Variants in SRRM1 observed in about 807,000 individuals in gnomAD.
The protein encoded by SRRM1 is serine/arginine repetitive matrix protein 1.
SRRM1 carries 19 observed loss-of-function variants against 110.2 expected under a neutral mutation model. The ratio of observed to expected loss-of-function variants is 0.17; its 90% CI spans 0.12 to 0.25. SRRM1 has a LOEUF of 0.25. Among genes scored for constraint, SRRM1 ranks in the 10% least tolerant of loss-of-function variants. The pLI is 1.00. For missense variants in SRRM1, 918 were observed against 1,145.8 expected, an observed-to-expected ratio of 0.80 and a Z score of 2.87; for synonymous variants, 443 against 414.9, an observed-to-expected ratio of 1.07 and a Z score of -0.82.
In SRRM1 at chr1:24,648,946, C is replaced by T. The variant is rs1278304736; in HGVS notation, c.322C>T (p.Leu108=). Residue 108 remains leucine (L), a synonymous_variant, in exon 4 of 17, where the codon CTG becomes TTG. Transcript: ENST00000323848. ...AGAATTTATGGGAGAACTGTGGCCC[C>T]TGCTGCTAAGTGCACAAGAAAACAT... is the stretch of plus-strand genomic sequence containing the variant. The part of the protein sequence containing the change: ...AREFMGELWP[L]LLSAQENIAG... 2 of 1,613,760 alleles carry T rather than the reference C, an allele frequency of 1.2e-6. No homozygotes were observed. Among genetic ancestry groups the T allele is most frequent in the Non-Finnish European group, 1.7e-6 (2 of 1,179,882 alleles).
chr1:24,650,373 T>TA (rs1659934609), intron 5 of SRRM1, among the ~76,000 whole-genome samples: 1 of 152,226 alleles, frequency 6.6e-6, no homozygotes, highest in Admixed American at 6.5e-5. Context: ...TCATAACAGT[T>TA]AATTTGGGTT....
In SRRM1 at chr1:24,652,431, C is replaced by T. The variant is rs761089861; in HGVS notation, c.726-3C>T. The stretch of plus-strand genomic sequence containing the variant: ...AAAAAAAAAAAAGCTTTTGTTTCCA[C>T]AGTGACATTCTGAAAGTTCCCAAAC... On this transcript the variant is annotated splice_polypyrimidine_tract_variant and splice_region_variant and intron_variant, in intron 6 of 16. Transcript: ENST00000323848. The T allele has an allele frequency of 4.1e-6, 6 of 1,460,090 alleles. No individual in the cohort carries two copies. In the Admixed American group the frequency reaches 1.4e-4, roughly 34 times the overall value. The allele number at this position is 1,460,090 out of a possible 1,614,324, so 90.4% of individuals were successfully genotyped here. A position where few individuals can be genotyped will look rare whatever the true frequency, so the allele number is the denominator to read the frequency against.
At chr1:24,657,863 C>T (rs1284935315) in intron 9 of SRRM1, among the ~76,000 whole-genome samples, 2 of 152,172 alleles carry the variant, frequency 1.3e-5, no homozygotes, top group Non-Finnish European at 2.9e-5. Context: ...TGGCCACATA[C>T]ATTGTGCTAT....
chr1:24,671,060 T>C (rs764811350), intron 15 of SRRM1, among the ~76,000 whole-genome samples: 1 of 98,422 alleles, frequency 1.0e-5, no homozygotes, highest in Non-Finnish European at 2.3e-5. Context: ...TTTACAGATA[T>C]TCTCATTTAA....
chr1:24,665,712 CAAGAA>C (rs893255930), intron 12 of SRRM1, among the ~76,000 whole-genome samples: 30 of 152,154 alleles, frequency 2.0e-4, no homozygotes, highest in African/African-American at 7.0e-4. Context: ...GACTCTGTCT[CAAGAA>C]AAGAAGGGGA....
intron 8 of SRRM1, among the ~76,000 whole-genome samples, chr1:24,653,321 G>A (rs948824293): frequency 6.6e-6 from 1 of 152,008 alleles, no homozygotes; most frequent in African/African-American, 2.4e-5. Flanking sequence ...AAGAGAATTG[G>A]CCACCTTCTC....
intron 8 of SRRM1, among the ~76,000 whole-genome samples, chr1:24,653,476 T>C (rs563799290): frequency 6.6e-6 from 1 of 152,294 alleles, no homozygotes; most frequent in Non-Finnish European, 1.5e-5. Context: ...AAATTCTCAT[T>C]ATAGAAGTAA....
chr1:24,669,006 T>A (rs78240564), intron 13 of SRRM1, 117 bp from the exon 14 acceptor site: 3 of 769,646 alleles, frequency 3.9e-6, no homozygotes, highest in African/African-American at 3.5e-5. Context: ...TGTTCACTTA[T>A]AAATATATTC....
At chr1:24,646,254 G>A (rs1657489645) in intron 2 of SRRM1, among the ~76,000 whole-genome samples, 181 bp downstream of exon 2, 1 of 152,192 alleles carries the variant, frequency 6.6e-6, no homozygotes, top group Non-Finnish European at 1.5e-5. Context: ...GTGGCTGGGC[G>A]AGGTGGCTCA....
chr1:24,667,965 CTTT>C (rs1038405035), intron 13 of SRRM1, among the ~76,000 whole-genome samples: 26 of 68,524 alleles, frequency 3.8e-4, no homozygotes, highest in African/African-American at 1.6e-3. Flanking sequence ...TGCTGCCACT[CTTT>C]TTTTTTTTTT....
chr1:24,652,791 C>A (rs1661749751), intron 7 of SRRM1, 122 bp from the exon 8 acceptor site: 1 of 1,383,868 alleles, frequency 7.2e-7, no homozygotes, highest in Non-Finnish European at 9.7e-7. Flanking sequence ...CCATAAAAAT[C>A]TACATAAATG....
rs373180505 is a variant in SRRM1, at chr1:24,662,777, G to A, written c.1601G>A (p.Arg534Gln). 28 of 1,614,012 alleles carry A rather than the reference G, an allele frequency of 1.7e-5. No homozygotes were observed. In the African/African-American group the frequency reaches 1.7e-4, roughly 10 times the overall value. ...TCCCGGAGTGCTTCTCCATCACCAC[G>A]AAAGCGCCAAAAAGAGACTTCCCCT... ...SPSRSASPSP[R>Q]KRQKETSPRG... Residue 534 changes from arginine to glutamine, a missense_variant, in exon 12 of 17, where the codon CGA (arginine) becomes CAA (glutamine). Coordinates refer to ENST00000323848, the MANE Select transcript of SRRM1 (RefSeq NM_005839.4).
At chr1:24,662,878 G>C in intron 12 of SRRM1, 74 bp downstream of exon 12, 7 of 1,568,548 alleles carry the variant, frequency 4.5e-6, no homozygotes, top group Non-Finnish European at 6.1e-6. Context: ...GGGATTATTT[G>C]AGAATTTGGT....
intron 12 of SRRM1, 52 bp downstream of exon 12, chr1:24,662,856 A>G (rs112810692): frequency 3.8e-6 from 6 of 1,583,058 alleles, no homozygotes; most frequent in Non-Finnish European, 5.2e-6. Context: ...TTGTGATGAA[A>G]TTTGATAACT....
intron 1 of SRRM1, 145 bp from the exon 2 acceptor site, chr1:24,645,839 G>C: frequency 1.7e-6 from 1 of 572,270 alleles, no homozygotes; most frequent in Non-Finnish European, 3.1e-6. Context: ...CTACATTGGG[G>C]AAGGAGTATG....
At chr1:24,651,669 C>A (rs993740558) in intron 6 of SRRM1, 57 bp downstream of exon 6, 2 of 1,239,182 alleles carry the variant, frequency 1.6e-6, no homozygotes, top group Admixed American at 4.2e-5. Context: ...ATAGTGACTG[C>A]AAATATGACA....
In SRRM1 at chr1:24,662,815, T is replaced by C. The variant is rs942438640; in HGVS notation, c.1628+11T>C. The stretch of plus-strand genomic sequence containing the variant: ...AGAGACTTCCCCTCGGTAACATCTT[T>C]GCTTCAGTGATGTTCACTGATGTTC... On this transcript the variant is annotated intron_variant, in intron 12 of 16. Transcript: ENST00000323848. 3.7e-6 allele frequency: 6 copies of C among 1,614,004 alleles called. No homozygotes were observed. The Admixed American group carries it at 6.7e-5, about 18-fold the overall frequency.
chr1:24,652,695 G>A, intron 7 of SRRM1, 67 bp downstream of exon 7: 2 of 1,425,238 alleles, frequency 1.4e-6, no homozygotes, highest in Non-Finnish European at 1.9e-6. Context: ...GGTACAATTA[G>A]ATAAATAATT....
chr1:24,643,978 G>T (rs1655617174), intron 1 of SRRM1, among the ~76,000 whole-genome samples: 1 of 152,180 alleles, frequency 6.6e-6, no homozygotes, highest in South Asian at 2.1e-4. Context: ...TTGGGACAAT[G>T]TGAATTTAAG....
Sources: gnomAD v4.1 joint callset for allele counts (sites outside exome capture counted in the v4.1 genomes callset) on GRCh38, gnomAD v4.1.1 for gene constraint, MANE v1.5 for transcripts, NCBI Gene and HGNC (gene_info 2026-07-23, HGNC 2026-07-21) for gene names.